Variants in PYHIN1 observed in about 807,000 individuals in gnomAD.
The protein encoded by PYHIN1 is pyrin and HIN domain family member 1.
PYHIN1 carries 32 observed loss-of-function variants against 43.7 expected under a neutral mutation model. The ratio of observed to expected loss-of-function variants is 0.73; its 90% CI spans 0.55 to 0.98. The LOEUF (loss-of-function observed/expected upper bound fraction) is 0.98, where lower values mean the gene tolerates loss of function less well. Ranked by LOEUF, PYHIN1 falls within the 50% of genes least tolerant of loss-of-function variation. The pLI is 0.00. For synonymous variants in PYHIN1, 205 were observed against 203.1 expected (o/e 1.01, Z -0.08); for missense variants, 588 against 589.5 (o/e 1.00, Z 0.03).
Position 158,933,256 on chromosome 1 carries a change from G to A in PYHIN1, c.-21+1480G>A, listed in dbSNP as rs186843928. 1.4e-4 allele frequency among the ~76,000 whole-genome samples: 21 copies of A among 151,142 alleles called. No homozygotes were observed. The highest frequency in any genetic ancestry group is 6.2e-4 in the South Asian group (3 of 4,802). On this transcript the variant is annotated intron_variant, in intron 1 of 8. Transcript: ENST00000368140. This position sits in a 1 kb window ranked among gnomAD's most constrained non-coding sequence, Gnocchi z 6.3. ...TATAAATATATATATTTGTGGCACC[G>A]TGTACATATGTGTGTATATGAAGAT...
At chr1:158,950,344 A>T (rs1270076945) in intron 7 of PYHIN1, among the ~76,000 whole-genome samples, 1 of 152,196 alleles carries the variant, frequency 6.6e-6, no homozygotes, top group Non-Finnish European at 1.5e-5. Context: ...CCTCTTCAGC[A>T]TCCCCCAGGT....
intron 1 of PYHIN1, among the ~76,000 whole-genome samples, chr1:158,932,400 C>T (rs534661729): frequency 3.0e-4 from 45 of 152,190 alleles, no homozygotes; most frequent in Admixed American, 2.1e-3. Flanking sequence ...CAAGCCTCAG[C>T]GACACACAGT....
At chr1:158,944,053 T>G in intron 6 of PYHIN1, 75 bp downstream of exon 6, 1 of 1,289,206 alleles carries the variant, frequency 7.8e-7, no homozygotes, top group Non-Finnish European at 1.1e-6. Context: ...AAGCCATACT[T>G]CTGTTGTTTT....
chr1:158,949,740 C>T (rs1481416388), intron 7 of PYHIN1, among the ~76,000 whole-genome samples: 2 of 152,102 alleles, frequency 1.3e-5, no homozygotes, highest in Non-Finnish European at 1.5e-5. Flanking sequence ...GCATAGTATT[C>T]CATGGTGTAT....
chr1:158,987,065 A>G, the PYHIN1 span, among the ~76,000 whole-genome samples: 1 of 152,144 alleles, frequency 6.6e-6, no homozygotes, highest in African/African-American at 2.4e-5. Flanking sequence ...ATCCTTACCA[A>G]CACCTGTTAT....
chr1:158,972,104 A>G (rs1650964177), intron 7 of PYHIN1, among the ~76,000 whole-genome samples: 1 of 152,048 alleles, frequency 6.6e-6, no homozygotes, highest in Non-Finnish European at 1.5e-5. Context: ...TCTTCAGAAC[A>G]CAGATGCCAG....
chr1:158,984,413 A>T, the PYHIN1 span, among the ~76,000 whole-genome samples: 1 of 152,180 alleles, frequency 6.6e-6, no homozygotes, highest in Non-Finnish European at 1.5e-5. Flanking sequence ...CCCAAAAGTC[A>T]TTCAGGAGTA....
At chr1:158,980,394 T>A (rs1651445303), downstream of PYHIN1, among the ~76,000 whole-genome samples, 1 of 152,064 alleles carries the variant, frequency 6.6e-6, no homozygotes, top group Non-Finnish European at 1.5e-5. Context: ...CCTGCGGGTT[T>A]GGGCAAAACG....
At chr1:158,987,581 C>T in the PYHIN1 span, among the ~76,000 whole-genome samples, 1 of 152,002 alleles carries the variant, frequency 6.6e-6, no homozygotes, top group Non-Finnish European at 1.5e-5. Flanking sequence ...CTTGTGCATT[C>T]GATATCATAT....
Position 158,936,997 on chromosome 1 carries a change from G to T in PYHIN1, c.87G>T (p.Leu29=). 3.7e-6 allele frequency: 6 copies of T among 1,613,362 alleles called. No homozygotes were observed. Among genetic ancestry groups the T allele is most frequent in the Non-Finnish European group, 5.1e-6 (6 of 1,179,312 alleles). The change falls in exon 2 of 9, where the codon CTG becomes CTT. Residue 29 remains leucine (L), a synonymous_variant. Transcript: ENST00000368140. ...DYHFRIVKSL[L]SNDLKLNPKM... is the part of the protein sequence containing the mutation. ...ATTTTAGAATTGTTAAGTCCTTACT[G>T]AGTAACGATTTAAAACTTAATCCAA... is the stretch of plus-strand genomic sequence containing the variant.
At chr1:158,984,974 A>G in the PYHIN1 span, among the ~76,000 whole-genome samples, 1 of 151,728 alleles carries the variant, frequency 6.6e-6, no homozygotes, top group East Asian at 1.9e-4. Flanking sequence ...TAAAAGAGCA[A>G]CCCCTGCTCT....
At chr1:158,969,915 G>A (rs1650840667) in intron 7 of PYHIN1, among the ~76,000 whole-genome samples, 1 of 151,912 alleles carries the variant, frequency 6.6e-6, no homozygotes. Flanking sequence ...ACACCTAAAT[G>A]TATCATGGAC....
chr1:158,945,021 A>C lies in PYHIN1; in HGVS notation c.1338A>C (p.Pro446=), dbSNP rs1375619345. ...LKTPQMPPTT[P]SSSSFTKKDE... is the part of the protein sequence containing the mutation. ...CTCCTCAGATGCCACCAACAACCCC[A>C]TCCAGCAGTTCCTTCACCAAGGTAC... The change falls in exon 7 of 9, where the codon CCA becomes CCC. Residue 446 remains proline, a synonymous_variant. Coordinates refer to ENST00000368140, the MANE Select transcript of PYHIN1 (RefSeq NM_152501.5). The C allele has an allele frequency of 6.2e-7, 1 of 1,613,226 alleles. No homozygotes were observed. Among genetic ancestry groups the C allele is most frequent in the Non-Finnish European group, 8.5e-7 (1 of 1,179,604 alleles).
chr1:158,968,817 C>G (rs1237807452), intron 7 of PYHIN1, among the ~76,000 whole-genome samples: 2 of 151,930 alleles, frequency 1.3e-5, no homozygotes, highest in Non-Finnish European at 2.9e-5. Flanking sequence ...AGCTGGATGC[C>G]ATTCTTATAA....
chr1:158,986,346 T>C, the PYHIN1 span, among the ~76,000 whole-genome samples: 2 of 152,214 alleles, frequency 1.3e-5, no homozygotes, highest in African/African-American at 4.8e-5. Context: ...TTGATCGGCT[T>C]TGTTTCTGGA....
chr1:158,959,823 G>C (rs554330876), intron 7 of PYHIN1, among the ~76,000 whole-genome samples: 1 of 152,230 alleles, frequency 6.6e-6, no homozygotes, highest in African/African-American at 2.4e-5. Context: ...CTACCCCAGA[G>C]CAACAGAATA....
chr1:158,958,201 T>C, intron 7 of PYHIN1, among the ~76,000 whole-genome samples: 1 of 151,790 alleles, frequency 6.6e-6, no homozygotes, highest in East Asian at 1.9e-4. Flanking sequence ...AGTGTGGCGA[T>C]TCCTCAGGGA....
chr1:158,942,308 T>C lies in PYHIN1; in HGVS notation c.911T>C (p.Ile304Thr). The C allele has an allele frequency of 6.2e-7, 1 of 1,613,774 alleles. No individual in the cohort carries two copies. ...PDQTFEVPKD[I>T]IRRAKKIPKI... ...CAAACGTTTGAGGTTCCAAAGGACATCATCAGAAGAGCAAAGAAAATTCCG... is the reference window on the plus strand; with the variant it reads ...CAAACGTTTGAGGTTCCAAAGGACACCATCAGAAGAGCAAAGAAAATTCCG... Residue 304 changes from isoleucine (I) to threonine (T), a missense_variant, in exon 5 of 9, where the codon ATC (isoleucine) becomes ACC (threonine). Coordinates refer to ENST00000368140, the MANE Select transcript of PYHIN1 (RefSeq NM_152501.5).
Position 158,952,779 on chromosome 1 carries a change from G to A in PYHIN1, c.1359+7737G>A, listed in dbSNP as rs116193730. ...AGATGGCCGAACAGGAATAGCTCCC[G>A]TATACAGCTCCCAGCGTAAGCGACG... On this transcript the variant is annotated intron_variant, in intron 7 of 8. Coordinates refer to ENST00000368140, the MANE Select transcript of PYHIN1 (RefSeq NM_152501.5). Among the ~76,000 whole-genome samples the A allele has an allele frequency of 8.8e-3, 1,345 of 152,322 alleles. 22 individuals carry two copies. Among genetic ancestry groups the A allele is most frequent in the South Asian group, 0.06 (289 of 4,828 alleles).
Sources: gnomAD v4.1 joint callset for allele counts (sites outside exome capture counted in the v4.1 genomes callset) on GRCh38, gnomAD v4.1.1 for gene constraint, Gnocchi (gnomAD v3.1) non-coding constraint, MANE v1.5 for transcripts, NCBI Gene and HGNC (gene_info 2026-07-23, HGNC 2026-07-21) for gene names.